ADK: variants seen among roughly 807,000 people sequenced by gnomAD.
ADK encodes the protein N6,N6-dimethyladenosine kinase.
A neutral mutation model predicts 44.7 loss-of-function variants in ADK; 24 were observed. The observed-to-expected ratio is 0.54, with a 90% CI of 0.39 to 0.76. ADK has a LOEUF of 0.76. Among genes scored for constraint, ADK ranks in the 30% least tolerant of loss-of-function variants. The pLI is 0.00. For synonymous variants in ADK, 128 were observed against 142.6 expected (o/e 0.90, Z 0.73); for missense variants, 321 against 425.1 (o/e 0.76, Z 2.15).
chr10:74,371,162 G>A (rs1842645652), intron 4 of ADK, among the ~76,000 whole-genome samples: 1 of 152,146 alleles, frequency 6.6e-6, no homozygotes, highest in Non-Finnish European at 1.5e-5. Flanking sequence ...TTGGAAACAT[G>A]TTAGAAAAAT....
chr10:74,267,430 A>G (rs1361017416), intron 3 of ADK, among the ~76,000 whole-genome samples: 26 of 152,170 alleles, frequency 1.7e-4, no homozygotes, highest in Non-Finnish European at 2.9e-5. Context: ...CTGAGGAATG[A>G]CTGTATTGAA....
At chr10:74,237,344 A>C (rs1845008410) in intron 3 of ADK, among the ~76,000 whole-genome samples, 1 of 152,198 alleles carries the variant, frequency 6.6e-6, no homozygotes, top group African/African-American at 2.4e-5. Context: ...AAGTTTTATC[A>C]TGAGATTGCA....
intron 2 of ADK, among the ~76,000 whole-genome samples, chr10:74,202,185 T>C (rs1843422268): frequency 6.6e-6 from 1 of 152,236 alleles, no homozygotes; most frequent in Admixed American, 6.5e-5. Flanking sequence ...AATGGAATCA[T>C]ATAATAATAT....
At chr10:74,574,181 T>C (rs1851088374) in intron 7 of ADK, among the ~76,000 whole-genome samples, 1 of 151,276 alleles carries the variant, frequency 6.6e-6, no homozygotes, top group South Asian at 2.1e-4. Context: ...TTTTTTTTTT[T>C]TTTTGAGAAA....
At chr10:74,636,597 G>A (rs1853628799) in intron 9 of ADK, among the ~76,000 whole-genome samples, 1 of 152,246 alleles carries the variant, frequency 6.6e-6, no homozygotes, top group Non-Finnish European at 1.5e-5. Context: ...TATGTACTTG[G>A]TAAAGGACTG....
chr10:74,205,031 ACT>A (rs1378816688), intron 2 of ADK, among the ~76,000 whole-genome samples: 1 of 98,670 alleles, frequency 1.0e-5, no homozygotes, highest in African/African-American at 4.3e-5. Flanking sequence ...CAGAGTTGAC[ACT>A]CTGTCTCAAA....
chr10:74,687,613 T>C (rs1855839898), intron 10 of ADK, among the ~76,000 whole-genome samples: 1 of 152,162 alleles, frequency 6.6e-6, no homozygotes, highest in African/African-American at 2.4e-5. Flanking sequence ...CTTCCCATAT[T>C]TATAGTTCTG....
intron 7 of ADK, among the ~76,000 whole-genome samples, chr10:74,568,915 ATCCC>A (rs1850808036): frequency 1.4e-5 from 2 of 141,222 alleles, no homozygotes; most frequent in African/African-American, 5.1e-5. Context: ...TCCAAATGCT[ATCCC>A]TCCCCCCTCC....
intron 3 of ADK, among the ~76,000 whole-genome samples, chr10:74,293,034 G>A (rs1272191103): frequency 2.6e-5 from 4 of 151,838 alleles, no homozygotes; most frequent in African/African-American, 9.7e-5. Context: ...TGAGTGTGGT[G>A]GTGCATGCTT....
At chr10:74,468,018 T>C (rs1410963332) in intron 6 of ADK, among the ~76,000 whole-genome samples, 2 of 152,156 alleles carry the variant, frequency 1.3e-5, no homozygotes, top group Admixed American at 1.3e-4. Context: ...CTTAACTTTT[T>C]ATATTTTATT....
Position 74,481,795 on chromosome 10 carries a change from G to A in ADK, c.556-43461G>A, listed in dbSNP as rs558717330. Among the ~76,000 whole-genome samples the A allele has an allele frequency of 8.7e-4, 133 of 152,172 alleles. 1 individual carries two copies. The highest frequency in any genetic ancestry group is 3.2e-3 in the African/African-American group (131 of 41,534). ...TCCTACATTAGCTATTTTACATGAG[G>A]TTTAATTAAGGAAGGGGTTACACAT... On this transcript the variant is annotated intron_variant, in intron 6 of 10. Coordinates refer to ENST00000539909, the MANE Select transcript of ADK (RefSeq NM_006721.4).
chr10:74,453,754 ATATTT>A (rs1194143073), intron 6 of ADK, among the ~76,000 whole-genome samples: 2 of 152,220 alleles, frequency 1.3e-5, no homozygotes, highest in East Asian at 3.9e-4. Flanking sequence ...CAATAGCTTA[ATATTT>A]TAATTACCAC....
chr10:74,324,944 TG>T (rs1237035535), intron 4 of ADK, among the ~76,000 whole-genome samples: 1 of 152,218 alleles, frequency 6.6e-6, no homozygotes, highest in Non-Finnish European at 1.5e-5. Context: ...GATGTGTCTT[TG>T]TCATTTTTGC....
At chr10:74,499,783 C>T (rs541295271) in intron 6 of ADK, among the ~76,000 whole-genome samples, 1 of 152,234 alleles carries the variant, frequency 6.6e-6, no homozygotes, top group Non-Finnish European at 1.5e-5. Flanking sequence ...AAATTGGAAA[C>T]AAATTCAGAG....
chr10:74,188,176 A>G (rs949042067), intron 1 of ADK, among the ~76,000 whole-genome samples: 2 of 152,078 alleles, frequency 1.3e-5, no homozygotes, highest in African/African-American at 4.8e-5. Context: ...AAAATTTCCT[A>G]ATATTCTGTT....
At chr10:74,168,486 C>T (rs1842085439) in intron 1 of ADK, among the ~76,000 whole-genome samples, 2 of 146,078 alleles carry the variant, frequency 1.4e-5, no homozygotes, top group Middle Eastern at 7.2e-3. Flanking sequence ...TTGCAGTGAG[C>T]CGAGATCGCG....
At chr10:74,600,276 AG>A in intron 8 of ADK, 102 bp from the exon 9 acceptor site, 1 of 704,406 alleles carries the variant, frequency 1.4e-6, no homozygotes, top group Admixed American at 2.2e-5. Context: ...ATAGATATGC[AG>A]GTCTCTTATT....
At chr10:74,221,139 A>G (rs1393349658) in intron 2 of ADK, among the ~76,000 whole-genome samples, 14 of 150,648 alleles carry the variant, frequency 9.3e-5, no homozygotes, top group South Asian at 2.1e-4. Flanking sequence ...TCAGCCCAAA[A>G]TCTCCTTAAG....
intron 6 of ADK, among the ~76,000 whole-genome samples, chr10:74,460,362 T>TA (rs1846127416): frequency 6.6e-6 from 1 of 152,212 alleles, no homozygotes; most frequent in Admixed American, 6.5e-5. Flanking sequence ...TTTCTTGTGC[T>TA]TATGAGCCTG....
Sources: allele counts gnomAD v4.1 joint callset (sites outside exome capture counted in the v4.1 genomes callset), GRCh38; gene constraint gnomAD v4.1.1; transcripts MANE v1.5; gene names NCBI Gene and HGNC (gene_info 2026-07-23, HGNC 2026-07-21).